Variants in EPB41L3 observed in about 807,000 individuals in gnomAD.
EPB41L3 encodes erythrocyte membrane protein band 4.1 like 3.
EPB41L3 carries 57 observed loss-of-function variants against 127.1 expected under a neutral mutation model. The observed-to-expected ratio is 0.45, with a 90% CI of 0.36 to 0.56. The LOEUF is 0.56. Among genes scored for constraint, EPB41L3 ranks in the 20% least tolerant of loss-of-function variants. The pLI is 0.00. For synonymous variants in EPB41L3, 572 were observed against 549.5 expected, an observed-to-expected ratio of 1.04 and a Z score of -0.57; for missense variants, 1,273 against 1,372.2, an observed-to-expected ratio of 0.93 and a Z score of 1.14.
intron 3 of EPB41L3, among the ~76,000 whole-genome samples, chr18:5,607,743 T>C (rs1373600502): frequency 6.6e-6 from 1 of 152,206 alleles, no homozygotes; most frequent in Non-Finnish European, 1.5e-5. Flanking sequence ...ATATCATATA[T>C]TTCTTTAATA....
intron 1 of EPB41L3, among the ~76,000 whole-genome samples, chr18:5,521,667 G>T (rs985798924): frequency 7.9e-5 from 12 of 152,048 alleles, no homozygotes; most frequent in Admixed American, 1.3e-4. Context: ...TCAAACTTTA[G>T]TTCCCTCCTC....
intron 11 of EPB41L3, among the ~76,000 whole-genome samples, chr18:5,420,408 G>C (rs2077332678): frequency 6.6e-6 from 1 of 152,124 alleles, no homozygotes; most frequent in Non-Finnish European, 1.5e-5. Context: ...ATGTTGAAAA[G>C]TCTATCACTC....
At chr18:5,583,613 G>A (rs1030406933) in intron 3 of EPB41L3, among the ~76,000 whole-genome samples, 1 of 152,108 alleles carries the variant, frequency 6.6e-6, no homozygotes, top group East Asian at 1.9e-4. Context: ...CTGCAAATAC[G>A]TCAACATGTC....
chr18:5,439,582 T>C (rs1014709110), intron 5 of EPB41L3, among the ~76,000 whole-genome samples: 1 of 152,190 alleles, frequency 6.6e-6, no homozygotes, highest in African/African-American at 2.4e-5. Flanking sequence ...TGAGGTGCCC[T>C]ATAAAGGATT....
chr18:5,495,675 G>A (rs1022128406), intron 1 of EPB41L3, among the ~76,000 whole-genome samples: 10 of 152,194 alleles, frequency 6.6e-5, no homozygotes, highest in Middle Eastern at 6.8e-3. Context: ...AAACATCACA[G>A]GCTACTTCAG....
chr18:5,443,844 C>T lies in EPB41L3; in HGVS notation c.523G>A (p.Val175Ile), dbSNP rs549933763. 2 of 1,609,378 alleles carry T rather than the reference C, an allele frequency of 1.2e-6. No homozygotes were observed. The highest frequency in any genetic ancestry group is 1.1e-5 in the South Asian group (1 of 89,928). The change falls in exon 5 of 23, where the codon GTT (valine) becomes ATT (isoleucine). Residue 175 changes from valine to isoleucine, a missense_variant. Physicochemically the swap from Val to Ile is conservative, Grantham distance 29 (BLOSUM62 3). Around this residue, in one of 3 missense-constraint regions of EPB41L3, gnomAD observed 326 missense variants for 440.2 expected, o/e 0.74. Transcript: ENST00000341928. Reference protein sequence around the residue: ...LDPAKEIKKQVRSGAWHFSFN... With the variant: ...LDPAKEIKKQIRSGAWHFSFN... ...ATAATCCAAAAGAACTTACTTCGAA[C>T]CTGTTTTTTTATTTCCTTAGCAGGG...
upstream of EPB41L3, chr18:5,630,476 A>G (rs1298237765): frequency 1.9e-6 from 1 of 518,906 alleles, no homozygotes; most frequent in South Asian, 1.4e-5. Flanking sequence ...AAGGGCAGAG[A>G]GAGGTAGGGC....
chr18:5,401,778 T>C (rs1328393117), intron 16 of EPB41L3, among the ~76,000 whole-genome samples: 1 of 152,170 alleles, frequency 6.6e-6, no homozygotes, highest in Non-Finnish European at 1.5e-5. Flanking sequence ...TAACTTCTTT[T>C]TATTTTTTTC....
intron 3 of EPB41L3, among the ~76,000 whole-genome samples, chr18:5,572,173 A>G (rs2094289201): frequency 6.6e-6 from 1 of 152,132 alleles, no homozygotes; most frequent in Non-Finnish European, 1.5e-5. Flanking sequence ...CATGGAAGAA[A>G]CTTGTCTTAG....
At chr18:5,485,726 C>T (rs2089636919) in intron 2 of EPB41L3, among the ~76,000 whole-genome samples, 1 of 151,886 alleles carries the variant, frequency 6.6e-6, no homozygotes, top group Non-Finnish European at 1.5e-5. Flanking sequence ...TATCAAGAAG[C>T]AATCCTATTT....
At chr18:5,484,694 G>A (rs183313028) in intron 2 of EPB41L3, among the ~76,000 whole-genome samples, 2 of 151,912 alleles carry the variant, frequency 1.3e-5, no homozygotes, top group East Asian at 1.9e-4. Context: ...ACTCATTAGC[G>A]ACTATTATGA....
chr18:5,581,328 C>T (rs1475237712), intron 3 of EPB41L3, among the ~76,000 whole-genome samples: 1 of 151,924 alleles, frequency 6.6e-6, no homozygotes, highest in African/African-American at 2.4e-5. Context: ...TGGGAGTTTA[C>T]CCTTATAGTG....
chr18:5,520,112 G>A (rs1164627607), intron 1 of EPB41L3, among the ~76,000 whole-genome samples: 3 of 152,168 alleles, frequency 2.0e-5, no homozygotes, highest in Non-Finnish European at 4.4e-5. Flanking sequence ...GATGTCAAAT[G>A]AGAGATGCCC....
At chr18:5,597,973 T>A (rs549702632) in intron 3 of EPB41L3, among the ~76,000 whole-genome samples, 25 of 152,284 alleles carry the variant, frequency 1.6e-4, no homozygotes, top group Non-Finnish European at 3.5e-4. Flanking sequence ...AGATCCTGCA[T>A]GCACAATGTT....
intron 1 of EPB41L3, among the ~76,000 whole-genome samples, chr18:5,615,630 A>G (rs1327743995): frequency 6.6e-6 from 1 of 152,212 alleles, no homozygotes; most frequent in East Asian, 1.9e-4. Context: ...AGAAATGAAG[A>G]TATTTCCAGC....
chr18:5,511,159 A>G (rs2092490727), intron 1 of EPB41L3, among the ~76,000 whole-genome samples: 1 of 152,138 alleles, frequency 6.6e-6, no homozygotes, highest in African/African-American at 2.4e-5. Context: ...ACAACAGATT[A>G]TCATCCACAG....
Position 5,416,258 on chromosome 18 carries a change from C to A in EPB41L3, c.1627G>T (p.Glu543Ter), listed in dbSNP as rs772432794. The stretch of plus-strand genomic sequence containing the variant: ...GGCAGGTGCTCAGCTCTGGACGGCT[C>A]ATAACCTGGCAGTTTGCAGTCATTC... ...KENDCKLPGY[E>*]PSRAEHLPGE... The change falls in exon 13 of 23, where the codon GAG becomes TAG. Residue 543 changes from glutamate (E) to a stop codon, truncating the protein, a stop_gained. Transcript: ENST00000341928. LOFTEE classifies it high-confidence loss of function. 1 of 1,614,136 alleles carries A rather than the reference C, an allele frequency of 6.2e-7. No individual in the cohort carries two copies. The highest frequency in any genetic ancestry group is 2.2e-5 in the East Asian group (1 of 44,854).
intron 3 of EPB41L3, among the ~76,000 whole-genome samples, chr18:5,604,606 A>G (rs962410748): frequency 6.6e-6 from 1 of 152,052 alleles, no homozygotes; most frequent in African/African-American, 2.4e-5. Context: ...GATGTGCACC[A>G]CTATTCCCAG....
chr18:5,534,562 TG>T, intron 1 of EPB41L3, among the ~76,000 whole-genome samples: 1 of 152,224 alleles, frequency 6.6e-6, no homozygotes, highest in Non-Finnish European at 1.5e-5. Flanking sequence ...TACTGTTATC[TG>T]GAGTTTCATA....
Sources: gnomAD v4.1 joint callset for allele counts (sites outside exome capture counted in the v4.1 genomes callset) on GRCh38, gnomAD v4.1.1 for gene constraint, gnomAD v4.1.1 regional missense constraint, MANE v1.5 for transcripts, NCBI Gene and HGNC (gene_info 2026-07-23, HGNC 2026-07-21) for gene names.